BAZ2B: variants seen among roughly 807,000 people sequenced by gnomAD.
BAZ2B encodes bromodomain adjacent to zinc finger domain protein 2B.
In BAZ2B, 91 loss-of-function variants were observed where a neutral mutation model predicts 246.0. That is an observed-to-expected ratio of 0.37 (90% CI 0.31 to 0.44). BAZ2B has a LOEUF of 0.44. Among genes scored for constraint, BAZ2B ranks in the 20% least tolerant of loss-of-function variants. The probability of loss-of-function intolerance (pLI) is 1.00; values close to 1 mark genes in which losing one functional copy is unlikely to be tolerated. For missense variants in BAZ2B, 2,332 were observed against 2,533.7 expected (o/e 0.92, Z 1.71); for synonymous variants, 855 against 860.0 (o/e 0.99, Z 0.10).
chr2:159,692,028 T>C, the BAZ2B span, among the ~76,000 whole-genome samples: 14 of 152,372 alleles, frequency 9.2e-5, no homozygotes, highest in African/African-American at 3.4e-4. Context: ...TCTATGTTTA[T>C]ATGTGTAAGT....
At chr2:159,411,414 A>G (rs2149896065) in intron 14 of BAZ2B, among the ~76,000 whole-genome samples, 1 of 152,344 alleles carries the variant, frequency 6.6e-6, no homozygotes, top group East Asian at 1.9e-4. Flanking sequence ...AATGAATAGA[A>G]TTAAGTCTTT....
rs182709587 is a variant in BAZ2B, at chr2:159,388,857, A to G, written c.3216+488T>C. On this transcript the variant is annotated intron_variant, in intron 21 of 36. Coordinates refer to ENST00000392783, the MANE Select transcript of BAZ2B (RefSeq NM_013450.4). ...TGAGGTGGCTGTATCACTTGAGCCC[A>G]GGAGTTCAAGACCAGCCAGGACAAC... Among the ~76,000 whole-genome samples the G allele has an allele frequency of 1.1e-3, 170 of 152,192 alleles. 1 individual carries two copies. The highest frequency in any genetic ancestry group is 3.7e-3 in the African/African-American group (153 of 41,556).
intron 1 of BAZ2B, among the ~76,000 whole-genome samples, chr2:159,577,171 TGA>T (rs1194052249): frequency 1.3e-5 from 2 of 152,088 alleles, no homozygotes; most frequent in Non-Finnish European, 2.9e-5. Context: ...AAGGCTGCAG[TGA>T]GCCATGATGG....
chr2:159,572,579 A>G (rs889493367), intron 1 of BAZ2B, among the ~76,000 whole-genome samples: 12 of 152,338 alleles, frequency 7.9e-5, no homozygotes, highest in African/African-American at 2.6e-4. Flanking sequence ...AACAATAAAT[A>G]GAAGATATAT....
chr2:159,678,424 A>G, the BAZ2B span, among the ~76,000 whole-genome samples: 1 of 152,244 alleles, frequency 6.6e-6, no homozygotes, highest in East Asian at 1.9e-4. Context: ...TTCTTTGCAT[A>G]TAGTTTCTTA....
At chr2:159,576,537 A>G (rs927341801) in intron 1 of BAZ2B, among the ~76,000 whole-genome samples, 1 of 151,902 alleles carries the variant, frequency 6.6e-6, no homozygotes, top group Middle Eastern at 3.2e-3. Context: ...GGTTTAAAAA[A>G]AAAAAAAAAA....
chr2:159,546,428 C>T (rs1057386030), intron 2 of BAZ2B, among the ~76,000 whole-genome samples: 1 of 150,036 alleles, frequency 6.7e-6, no homozygotes, highest in East Asian at 1.9e-4. Flanking sequence ...CAATAAACCT[C>T]TTTCTTTTGT....
At chr2:159,358,935 C>G (rs2059397091) in intron 27 of BAZ2B, among the ~76,000 whole-genome samples, 1 of 152,100 alleles carries the variant, frequency 6.6e-6, no homozygotes, top group Non-Finnish European at 1.5e-5. Context: ...CACAACGTAC[C>G]AGAATCTCTG....
At chr2:159,517,887 C>A (rs1002793302) in intron 2 of BAZ2B, among the ~76,000 whole-genome samples, 1 of 152,098 alleles carries the variant, frequency 6.6e-6, no homozygotes, top group Non-Finnish European at 1.5e-5. Flanking sequence ...CATGAAATAG[C>A]AAGTTTTCAA....
Position 159,348,693 on chromosome 2 carries a change from G to C in BAZ2B, c.5278C>G (p.Leu1760Val). The change falls in exon 30 of 37, where the codon CTC becomes GTC. Residue 1760 changes from leucine to valine, a missense_variant. By Grantham distance (32) the Leu-to-Val change is conservative. This residue lies in a region of BAZ2B where 676 missense variants were observed against 668.6 expected (regional missense o/e 1.01). Coordinates refer to ENST00000392783, the MANE Select transcript of BAZ2B (RefSeq NM_013450.4). ...AGGTACACACCATCCTTATTCTTGAGGCAGGCTTGAGTAATATAATCCAAA... is the reference window on the plus strand; with the variant it reads ...AGGTACACACCATCCTTATTCTTGACGCAGGCTTGAGTAATATAATCCAAA... ...KHLDYITQAC[L>V]KNKDVAIIEL... 1 of 1,601,068 alleles carries C rather than the reference G, an allele frequency of 6.2e-7. No homozygotes were observed. The highest frequency in any genetic ancestry group is 8.5e-7 in the Non-Finnish European group (1 of 1,176,816).
At chr2:159,429,122 G>T in intron 11 of BAZ2B, 78 bp downstream of exon 11, 3 of 951,576 alleles carry the variant, frequency 3.2e-6, no homozygotes, top group Non-Finnish European at 4.6e-6. Flanking sequence ...TAATTGTAGA[G>T]AATGAGAAAT....
intron 2 of BAZ2B, among the ~76,000 whole-genome samples, chr2:159,509,425 T>A (rs538246385): frequency 3.0e-4 from 45 of 152,270 alleles, no homozygotes; most frequent in African/African-American, 1.1e-3. Flanking sequence ...AATTATTTTT[T>A]AAAAGTTCAC....
At chr2:159,391,160 G>T (rs1019798807) in intron 20 of BAZ2B, among the ~76,000 whole-genome samples, 15 of 152,210 alleles carry the variant, frequency 9.9e-5, no homozygotes, top group African/African-American at 2.6e-4. Flanking sequence ...TAATGAATTA[G>T]CATCACTAAT....
chr2:159,469,629 CG>C (rs2077528952), intron 3 of BAZ2B, among the ~76,000 whole-genome samples: 1 of 151,794 alleles, frequency 6.6e-6, no homozygotes, highest in African/African-American at 2.4e-5. Context: ...TTAGTAGAGA[CG>C]CGGTTTCATC....
At chr2:159,401,964 G>T (rs2149760703) in intron 16 of BAZ2B, among the ~76,000 whole-genome samples, 1 of 152,206 alleles carries the variant, frequency 6.6e-6, no homozygotes, top group East Asian at 1.9e-4. Context: ...TGTACCTATT[G>T]AAGCTATACA....
chr2:159,406,031 T>G (rs1217342472), intron 14 of BAZ2B, among the ~76,000 whole-genome samples: 1 of 152,242 alleles, frequency 6.6e-6, no homozygotes. Context: ...TGTATGAAAC[T>G]AGGGTAGATG....
chr2:159,575,659 C>A (rs1685119815), intron 1 of BAZ2B, among the ~76,000 whole-genome samples: 1 of 152,104 alleles, frequency 6.6e-6, no homozygotes, highest in Non-Finnish European at 1.5e-5. Flanking sequence ...AGATCACTCA[C>A]TTCTAAAATT....
In BAZ2B at chr2:159,368,350, G is replaced by A. The variant is rs1317537967; in HGVS notation, c.4213+4695C>T. Among the ~76,000 whole-genome samples the A allele has an allele frequency of 2.0e-5, 3 of 152,142 alleles. 1 individual carries two copies. The highest frequency in any genetic ancestry group is 2.0e-4 in the Admixed American group (3 of 15,274). Reference sequence around the variant, plus strand: ...TTACAGGCATGAACCAGTGCACCTGGTCTTCTTTTGCATCTCCACAGCACT... The same window carrying A: ...TTACAGGCATGAACCAGTGCACCTGATCTTCTTTTGCATCTCCACAGCACT... On this transcript the variant is annotated intron_variant, in intron 27 of 36. Transcript: ENST00000392783.
intron 2 of BAZ2B, among the ~76,000 whole-genome samples, chr2:159,486,634 G>A (rs2079867344): frequency 6.7e-6 from 1 of 149,644 alleles, no homozygotes; most frequent in African/African-American, 2.5e-5. Context: ...CTCACATTAG[G>A]TTTGTCTTTT....
Sources: allele counts gnomAD v4.1 joint callset (sites outside exome capture counted in the v4.1 genomes callset), GRCh38; gene constraint gnomAD v4.1.1; regional missense constraint gnomAD v4.1.1; transcripts MANE v1.5; gene names NCBI Gene and HGNC (gene_info 2026-07-23, HGNC 2026-07-21).